TAFA1: variants seen among roughly 807,000 people sequenced by gnomAD.
TAFA1 encodes the protein chemokine-like protein TAFA-1.
TAFA1 carries 4 observed loss-of-function variants against 18.5 expected under a neutral mutation model. The ratio of observed to expected loss-of-function variants is 0.22; its 90% CI spans 0.11 to 0.49. The LOEUF (loss-of-function observed/expected upper bound fraction) is 0.49, where lower values mean the gene tolerates loss of function less well. Ranked by LOEUF, TAFA1 falls within the 20% of genes least tolerant of loss-of-function variation. TAFA1 has a pLI of 0.98. For missense variants in TAFA1, 147 were observed against 169.0 expected (o/e 0.87, Z 0.72); for synonymous variants, 56 against 55.2 (o/e 1.01, Z -0.06).
chr3:68,207,804 A>G (rs1282646767), intron 2 of TAFA1, among the ~76,000 whole-genome samples: 1 of 152,000 alleles, frequency 6.6e-6, no homozygotes, highest in Non-Finnish European at 1.5e-5. Context: ...CCACAACTCT[A>G]GAAATTAGAT....
chr3:68,055,106 A>G (rs912702175), intron 2 of TAFA1, among the ~76,000 whole-genome samples: 2 of 152,104 alleles, frequency 1.3e-5, no homozygotes, highest in African/African-American at 4.8e-5. Flanking sequence ...TATGAAAGGA[A>G]AGGGAAGGCA....
At chr3:68,219,305 C>G (rs959063594) in intron 2 of TAFA1, among the ~76,000 whole-genome samples, 1 of 151,976 alleles carries the variant, frequency 6.6e-6, no homozygotes, top group African/African-American at 2.4e-5. Flanking sequence ...AAAATAAAAC[C>G]TAGAGCAGTT....
In TAFA1 at chr3:68,310,289, A is replaced by G. The variant is rs904208859; in HGVS notation, c.119-106991A>G. On this transcript the variant is annotated intron_variant, in intron 2 of 4. Transcript: ENST00000478136. ...TAAGTAGTTTTTGTTTAATTTTTAG[A>G]AGCAAAGGTCTCGGCTTCTCAATTA... Among the ~76,000 whole-genome samples the G allele has an allele frequency of 3.3e-5, 5 of 152,160 alleles. No homozygotes were observed. In the East Asian group the frequency reaches 7.7e-4, roughly 23 times the overall value.
chr3:68,375,361 T>C (rs538356313), intron 2 of TAFA1, among the ~76,000 whole-genome samples: 1 of 152,320 alleles, frequency 6.6e-6, no homozygotes, highest in South Asian at 2.1e-4. Context: ...ACGAAGTTGA[T>C]TAAAATCATT....
chr3:68,145,460 T>A (rs1471784956), intron 2 of TAFA1: 2 of 875,428 alleles, frequency 2.3e-6, no homozygotes, highest in Non-Finnish European at 3.9e-6. Flanking sequence ...AGAACAAGGA[T>A]GGCAAGTTGA....
intron 2 of TAFA1, among the ~76,000 whole-genome samples, chr3:68,150,703 T>A (rs2065796635): frequency 6.6e-6 from 1 of 152,124 alleles, no homozygotes; most frequent in Non-Finnish European, 1.5e-5. Flanking sequence ...TCCCGCCTAT[T>A]GAAATTGATG....
chr3:68,073,737 G>T (rs2064786749), intron 2 of TAFA1, among the ~76,000 whole-genome samples: 2 of 152,260 alleles, frequency 1.3e-5, no homozygotes, highest in South Asian at 4.1e-4. Context: ...AGTAGCAGCA[G>T]CCACAGCAGT....
intron 3 of TAFA1, among the ~76,000 whole-genome samples, chr3:68,504,893 C>A (rs561888347): frequency 1.1e-4 from 16 of 152,148 alleles, no homozygotes; most frequent in Non-Finnish European, 1.6e-4. Flanking sequence ...GTTATTCCTG[C>A]TAAAAGTGAG....
At chr3:68,475,694 C>T (rs2072080271) in intron 3 of TAFA1, among the ~76,000 whole-genome samples, 1 of 152,074 alleles carries the variant, frequency 6.6e-6, no homozygotes. Context: ...ATGGCTGGGT[C>T]AAATGGTATT....
chr3:68,321,725 C>T (rs1377835749), intron 2 of TAFA1, among the ~76,000 whole-genome samples: 2 of 152,148 alleles, frequency 1.3e-5, no homozygotes, highest in East Asian at 1.9e-4. Context: ...ATCACCTCCT[C>T]CCACCTTGCT....
chr3:68,150,368 AC>A (rs2106919786), intron 2 of TAFA1, among the ~76,000 whole-genome samples: 1 of 152,362 alleles, frequency 6.6e-6, no homozygotes, highest in East Asian at 1.9e-4. Context: ...TCCTTGAAGA[AC>A]ATGCTCAAAT....
intron 2 of TAFA1, among the ~76,000 whole-genome samples, chr3:68,078,831 G>C (rs2064859686): frequency 6.6e-6 from 1 of 152,190 alleles, no homozygotes; most frequent in Non-Finnish European, 1.5e-5. Flanking sequence ...CTCATAAAAT[G>C]AGTTAGGGAG....
At chr3:68,354,865 A>G (rs547741538) in intron 2 of TAFA1, among the ~76,000 whole-genome samples, 2 of 152,082 alleles carry the variant, frequency 1.3e-5, no homozygotes, top group African/African-American at 4.8e-5. Flanking sequence ...TAAGCCAGAC[A>G]TCCATTCAAG....
chr3:68,471,577 AT>A (rs1412202807), intron 3 of TAFA1, among the ~76,000 whole-genome samples: 3 of 152,156 alleles, frequency 2.0e-5, no homozygotes, highest in Non-Finnish European at 4.4e-5. Context: ...AGCATCCAGC[AT>A]GAGAGAAAAA....
chr3:68,337,367 G>A (rs1042181646), intron 2 of TAFA1, among the ~76,000 whole-genome samples: 43 of 152,116 alleles, frequency 2.8e-4, no homozygotes, highest in African/African-American at 1.0e-3. Flanking sequence ...TTACTGTCAC[G>A]AGTAGAACAA....
chr3:67,997,705 C>T, the TAFA1 span, among the ~76,000 whole-genome samples: 1 of 148,514 alleles, frequency 6.7e-6, no homozygotes, highest in Non-Finnish European at 1.5e-5. Context: ...GGACTTAAGC[C>T]CACACCAAGA....
chr3:68,331,715 C>T (rs886191667), intron 2 of TAFA1, among the ~76,000 whole-genome samples: 2 of 151,994 alleles, frequency 1.3e-5, no homozygotes. Flanking sequence ...AATTATATTA[C>T]AGAGCTACAG....
intron 3 of TAFA1, among the ~76,000 whole-genome samples, chr3:68,424,919 A>T (rs2106819472): frequency 6.6e-6 from 1 of 152,142 alleles, no homozygotes; most frequent in Admixed American, 6.6e-5. Context: ...ATGATGCTGT[A>T]GAGTCTGTGG....
intron 2 of TAFA1, among the ~76,000 whole-genome samples, chr3:68,228,475 C>A (rs115991089): frequency 6.6e-6 from 1 of 152,086 alleles, no homozygotes; most frequent in Non-Finnish European, 1.5e-5. Context: ...AAAATATTTC[C>A]GCAGAAAATA....
Sources: gnomAD v4.1 joint callset for allele counts (sites outside exome capture counted in the v4.1 genomes callset) on GRCh38, gnomAD v4.1.1 for gene constraint, MANE v1.5 for transcripts, NCBI Gene and HGNC (gene_info 2026-07-23, HGNC 2026-07-21) for gene names.